Variants in BRD10 observed in about 807,000 individuals in gnomAD.
BRD10 encodes bromodomain containing 10.
chr9:5,981,418 AAT>A, the BRD10 span, among the ~76,000 whole-genome samples: 1 of 152,152 alleles, frequency 6.6e-6, no homozygotes, highest in African/African-American at 2.4e-5. Context: ...CCCTCTTTGA[AAT>A]ATCCTAATTT....
the BRD10 span, chr9:5,921,624 C>T: frequency 8.7e-6 from 14 of 1,613,992 alleles, no homozygotes; most frequent in South Asian, 1.3e-4. Flanking sequence ...TTTGTTGCTG[C>T]TGTTGCTTCT....
chr9:5,883,233 T>C, the BRD10 span, among the ~76,000 whole-genome samples: 532 of 152,332 alleles, frequency 3.5e-3, 3 homozygotes, highest in Non-Finnish European at 6.4e-3. Context: ...CTGTGGCACA[T>C]TACCATTGCA....
the BRD10 span, among the ~76,000 whole-genome samples, chr9:5,954,731 A>G: frequency 2.0e-5 from 3 of 152,236 alleles, no homozygotes; most frequent in Non-Finnish European, 4.4e-5. Context: ...GCCAATTCAC[A>G]GTATACACTG....
the BRD10 span, among the ~76,000 whole-genome samples, chr9:5,992,192 C>T: frequency 0.89 from 134,718 of 152,190 alleles, 60,696 homozygotes; most frequent in Non-Finnish European, 0.99. Context: ...AATTATCTAA[C>T]AAAATGAAAG....
At chr9:5,960,403 A>T in the BRD10 span, among the ~76,000 whole-genome samples, 2 of 152,088 alleles carry the variant, frequency 1.3e-5, no homozygotes, top group African/African-American at 4.8e-5. Flanking sequence ...CTCTACTAAA[A>T]ATACAAAAAT....
At chr9:5,942,243 C>T in the BRD10 span, among the ~76,000 whole-genome samples, 1 of 151,978 alleles carries the variant, frequency 6.6e-6, no homozygotes. Flanking sequence ...AACGATGACC[C>T]TCAAGTCATA....
the BRD10 span, among the ~76,000 whole-genome samples, chr9:5,985,923 T>C: frequency 6.6e-6 from 1 of 152,200 alleles, no homozygotes; most frequent in African/African-American, 2.4e-5. Context: ...TGGCTAATTC[T>C]TTAAAAAAAA....
the BRD10 span, among the ~76,000 whole-genome samples, chr9:5,991,724 TAAAAA>T: frequency 1.7e-5 from 2 of 118,026 alleles, no homozygotes; most frequent in African/African-American, 3.2e-5. Flanking sequence ...GACTCTGTCT[TAAAAA>T]AAAAAAAAAA....
chr9:5,956,009 G>T, the BRD10 span, among the ~76,000 whole-genome samples: 2 of 151,992 alleles, frequency 1.3e-5, no homozygotes, highest in Non-Finnish European at 2.9e-5. Context: ...AAGTTCACAA[G>T]AAAAAACTGA....
chr9:5,969,403 T>C, the BRD10 span: 1 of 1,582,564 alleles, frequency 6.3e-7, no homozygotes, highest in Non-Finnish European at 8.6e-7. Flanking sequence ...TTTGACTAGC[T>C]TCTTCTGCTT....
At chr9:5,884,571 C>T in the BRD10 span, among the ~76,000 whole-genome samples, 2 of 152,198 alleles carry the variant, frequency 1.3e-5, no homozygotes, top group African/African-American at 4.8e-5. Context: ...TGGCCTTCAT[C>T]TCATGCCTAT....
the BRD10 span, among the ~76,000 whole-genome samples, chr9:5,904,776 C>CTTT: frequency 7.8e-6 from 1 of 128,950 alleles, no homozygotes; most frequent in Non-Finnish European, 1.7e-5. Context: ...AGTTACACTT[C>CTTT]TTTTTTTTTT....
the BRD10 span, among the ~76,000 whole-genome samples, chr9:5,907,671 G>T: frequency 6.6e-6 from 1 of 152,118 alleles, no homozygotes; most frequent in Non-Finnish European, 1.5e-5. Context: ...AATTACATAT[G>T]GCTGGGCATG....
chr9:5,914,669 C>T, the BRD10 span, among the ~76,000 whole-genome samples: 2 of 151,864 alleles, frequency 1.3e-5, no homozygotes, highest in African/African-American at 2.4e-5. Flanking sequence ...GTGATCTGCC[C>T]GCCTCGGCCT....
chr9:5,940,721 T>C, the BRD10 span, among the ~76,000 whole-genome samples: 1 of 152,112 alleles, frequency 6.6e-6, no homozygotes, highest in Non-Finnish European at 1.5e-5. Context: ...GGGAGAAAAG[T>C]TAAATTCCAA....
the BRD10 span, among the ~76,000 whole-genome samples, chr9:5,952,852 G>C: frequency 6.6e-6 from 1 of 152,064 alleles, no homozygotes; most frequent in Non-Finnish European, 1.5e-5. Context: ...GTGGTATAAA[G>C]GCCTCTAAGT....
At chr9:5,884,754 G>C in the BRD10 span, among the ~76,000 whole-genome samples, 3 of 152,116 alleles carry the variant, frequency 2.0e-5, no homozygotes, top group Non-Finnish European at 4.4e-5. Context: ...CACTCCAAAG[G>C]TCATTTTAAT....
the BRD10 span, among the ~76,000 whole-genome samples, chr9:5,992,553 C>T: frequency 6.6e-6 from 1 of 152,024 alleles, no homozygotes; most frequent in Non-Finnish European, 1.5e-5. Flanking sequence ...ACTAAAATAG[C>T]TCTCCCGTTG....
the BRD10 span, chr9:5,922,176 T>G: frequency 6.8e-6 from 11 of 1,613,872 alleles, no homozygotes; most frequent in Admixed American, 1.7e-5. Flanking sequence ...GAATCTCTTA[T>G]GCACACAGTT....
Sources: gnomAD v4.1 joint callset for allele counts (sites outside exome capture counted in the v4.1 genomes callset) on GRCh38, gnomAD v4.1.1 for gene constraint, MANE v1.5 for transcripts, NCBI Gene and HGNC (gene_info 2026-07-23, HGNC 2026-07-21) for gene names.